Variants in RPS6KA5 observed in about 807,000 individuals in gnomAD.
RPS6KA5 encodes ribosomal protein S6 kinase A5.
A neutral mutation model predicts 85.5 loss-of-function variants in RPS6KA5; 27 were observed. The ratio of observed to expected loss-of-function variants is 0.32; its 90% CI spans 0.23 to 0.44. The LOEUF is 0.44. RPS6KA5 is among the 20% of genes least tolerant of loss of function. RPS6KA5 has a pLI of 1.00. For missense variants in RPS6KA5, 811 were observed against 980.9 expected, an observed-to-expected ratio of 0.83 and a Z score of 2.31; for synonymous variants, 334 against 348.2, an observed-to-expected ratio of 0.96 and a Z score of 0.46.
intron 14 of RPS6KA5, among the ~76,000 whole-genome samples, chr14:90,886,532 G>A (rs1417338556): frequency 1.3e-5 from 2 of 152,154 alleles, no homozygotes; most frequent in African/African-American, 4.8e-5. Context: ...TGATCCAAGA[G>A]AATTAGTGTC....
chr14:90,875,436 G>T, intron 14 of RPS6KA5, 76 bp from the exon 15 acceptor site: 3 of 1,307,026 alleles, frequency 2.3e-6, no homozygotes, highest in South Asian at 2.9e-5. Flanking sequence ...TAATAGTAAC[G>T]TAACTGGTGT....
rs2032812132 is a variant in RPS6KA5 at position 90,866,576 on chromosome 14, T to C, written c.*5498A>G. ...CTTTTTTAATCTTCCATTTACCTTT[T>C]AGTAAGACAAATTCTTATCTTTATG... On this transcript the variant is annotated 3_prime_UTR_variant, in exon 17 of 17. Coordinates refer to ENST00000614987, the MANE Select transcript of RPS6KA5 (RefSeq NM_004755.4). 6.6e-6 allele frequency: 1 copy of C among 152,232 alleles called. No individual in the cohort carries two copies. The highest frequency in any genetic ancestry group is 2.4e-5 in the African/African-American group (1 of 41,462). The allele number at this position is 152,232 out of a possible 1,614,324, so 9.4% of individuals were successfully genotyped here. A position where few individuals can be genotyped will look rare whatever the true frequency, so the allele number is the denominator to read the frequency against.
At chr14:91,026,194 G>A (rs556354292) in intron 1 of RPS6KA5, among the ~76,000 whole-genome samples, 2 of 152,084 alleles carry the variant, frequency 1.3e-5, no homozygotes, top group South Asian at 2.1e-4. Context: ...TTTTATAGCC[G>A]CATATTCCAT....
rs947493764 is a variant in RPS6KA5 at position 90,862,348 on chromosome 14, T to C, written c.*9726A>G. 3 of 152,220 alleles carry C rather than the reference T, an allele frequency of 2.0e-5. No individual in the cohort carries two copies. In the East Asian group the frequency reaches 5.8e-4, roughly 29 times the overall value. 9.4% of individuals were successfully genotyped at this position (152,220 alleles called of 1,614,324 possible). ...AAAAAAGGGAACACATCTCCAACTT[T>C]TTTTTTATGAGGCCAGAATAATCTT... On this transcript the variant is annotated 3_prime_UTR_variant, in exon 17 of 17. Transcript: ENST00000614987.
intron 3 of RPS6KA5, among the ~76,000 whole-genome samples, chr14:90,971,166 A>T (rs1451483888): frequency 6.6e-6 from 1 of 152,024 alleles, no homozygotes. Flanking sequence ...AAAATACAGA[A>T]ATTAGCCAGG....
intron 5 of RPS6KA5, among the ~76,000 whole-genome samples, chr14:90,940,832 C>A (rs1251749634): frequency 6.6e-6 from 1 of 152,178 alleles, no homozygotes; most frequent in Non-Finnish European, 1.5e-5. Context: ...CTAGGAGTGC[C>A]AACCCTATTG....
At position 90,852,648 on chromosome 14, in the gene RPS6KA5, C is replaced by A. The variant is rs57818802; in HGVS notation, c.*19426G>T. ...AGTTTGCCACATGAAAGGCATACTT[C>A]CAACTTTTATTTTATCCACATTAAA... On this transcript the variant is annotated 3_prime_UTR_variant, in exon 17 of 17. Coordinates refer to ENST00000614987, the MANE Select transcript of RPS6KA5 (RefSeq NM_004755.4). 0.1 allele frequency: 15,229 copies of A among 151,952 alleles called. 1,829 individuals carry two copies. The highest frequency in any genetic ancestry group is 0.29 in the African/African-American group (12,137 of 41,368). 9.4% of individuals were successfully genotyped at this position (151,952 alleles called of 1,614,324 possible). A position where few individuals can be genotyped will look rare whatever the true frequency, so the allele number is the denominator to read the frequency against.
chr14:90,862,677 T>G lies in RPS6KA5; in HGVS notation c.*9397A>C, dbSNP rs1224070156. On this transcript the variant is annotated 3_prime_UTR_variant, in exon 17 of 17. Coordinates refer to ENST00000614987, the MANE Select transcript of RPS6KA5 (RefSeq NM_004755.4). Reference sequence around the variant, plus strand: ...TGAGGTCTCTCTATGTTGCCCAGGCTGGTCTCCAACTCCTGGGCTAAAGCA... The same window carrying G: ...TGAGGTCTCTCTATGTTGCCCAGGCGGGTCTCCAACTCCTGGGCTAAAGCA... 1 of 152,274 alleles carries G rather than the reference T, an allele frequency of 6.6e-6. No homozygotes were observed. Among genetic ancestry groups the G allele is most frequent in the African/African-American group, 2.4e-5 (1 of 41,434 alleles). The allele number at this position is 152,274 out of a possible 1,614,324, so 9.4% of individuals were successfully genotyped here.
intron 3 of RPS6KA5, among the ~76,000 whole-genome samples, chr14:90,971,567 T>C (rs1249851215): frequency 3.3e-5 from 5 of 152,204 alleles, no homozygotes; most frequent in Non-Finnish European, 7.3e-5. Context: ...CTATTCCGTA[T>C]CTGGTTACTA....
intron 3 of RPS6KA5, among the ~76,000 whole-genome samples, chr14:90,960,082 G>T (rs2038719908): frequency 6.6e-6 from 1 of 152,008 alleles, no homozygotes; most frequent in Admixed American, 6.5e-5. Flanking sequence ...CCCCTGCTTG[G>T]CTTAACTATC....
At chr14:91,015,599 A>G (rs532701045) in intron 1 of RPS6KA5, among the ~76,000 whole-genome samples, 1 of 152,286 alleles carries the variant, frequency 6.6e-6, no homozygotes, top group South Asian at 2.1e-4. Context: ...CTGCAGTTCT[A>G]CTGTCACTTC....
intron 10 of RPS6KA5, 66 bp from the exon 11 acceptor site, chr14:90,900,307 T>G: frequency 8.4e-7 from 1 of 1,195,910 alleles, no homozygotes; most frequent in Non-Finnish European, 1.1e-6. Flanking sequence ...TCAATAAAAT[T>G]GTAGAGTAAA....
chr14:90,903,105 A>T, intron 8 of RPS6KA5, 136 bp from the exon 9 acceptor site: 1 of 755,962 alleles, frequency 1.3e-6, no homozygotes, highest in South Asian at 2.0e-5. Flanking sequence ...AATCAATAAT[A>T]AAAAACATAT....
At chr14:90,980,984 C>T (rs2039766468) in intron 2 of RPS6KA5, among the ~76,000 whole-genome samples, 1 of 152,188 alleles carries the variant, frequency 6.6e-6, no homozygotes, top group Non-Finnish European at 1.5e-5. Context: ...CCAGCCTGAT[C>T]AACATGGAGA....
At chr14:90,902,351 G>A (rs745571953) in intron 9 of RPS6KA5, among the ~76,000 whole-genome samples, 5 of 152,072 alleles carry the variant, frequency 3.3e-5, no homozygotes, top group Non-Finnish European at 5.9e-5. Flanking sequence ...TGGGTGTGCT[G>A]GTTTGCACCT....
Position 90,871,930 on chromosome 14 carries a change from C to A in RPS6KA5, c.*144G>T. The A allele has an allele frequency of 9.3e-7, 1 of 1,075,488 alleles. No individual in the cohort carries two copies. The highest frequency in any genetic ancestry group is 2.4e-5 in the Admixed American group (1 of 42,322). The allele number at this position is 1,075,488 out of a possible 1,614,324, so 66.6% of individuals were successfully genotyped here. A position where few individuals can be genotyped will look rare whatever the true frequency, so the allele number is the denominator to read the frequency against. ...TCCAGTGCTTTTGAATGAGGATAAC[C>A]AAACAGGTTTTCCTGAAAAAAATCA... is the stretch of plus-strand genomic sequence containing the variant. On this transcript the variant is annotated 3_prime_UTR_variant, in exon 17 of 17. Transcript: ENST00000614987.
At chr14:90,944,368 G>C (rs530575742) in intron 4 of RPS6KA5, among the ~76,000 whole-genome samples, 107 of 152,302 alleles carry the variant, frequency 7.0e-4, no homozygotes, top group African/African-American at 2.1e-3. Context: ...TGTAACCCTA[G>C]ACTTTGGAAG....
chr14:90,907,053 A>T (rs2035545233), intron 7 of RPS6KA5, among the ~76,000 whole-genome samples: 1 of 152,218 alleles, frequency 6.6e-6, no homozygotes, highest in Non-Finnish European at 1.5e-5. Flanking sequence ...TACAGAAGAA[A>T]TCAATCCAAT....
At chr14:91,030,211 C>T (rs1052966309) in intron 1 of RPS6KA5, among the ~76,000 whole-genome samples, 3 of 152,116 alleles carry the variant, frequency 2.0e-5, no homozygotes, top group Non-Finnish European at 4.4e-5. Context: ...GAGTTTTATT[C>T]CCCAAGTCCT....
Sources: gnomAD v4.1 joint callset for allele counts (sites outside exome capture counted in the v4.1 genomes callset) on GRCh38, gnomAD v4.1.1 for gene constraint, MANE v1.5 for transcripts, NCBI Gene and HGNC (gene_info 2026-07-23, HGNC 2026-07-21) for gene names.